Variants in ATP2B2 observed in about 807,000 individuals in gnomAD.
ATP2B2 encodes ATPase plasma membrane Ca2+ transporting 2, also known as plasma membrane calcium-transporting ATPase 2.
ATP2B2 carries 15 observed loss-of-function variants against 120.0 expected under a neutral mutation model. That is an observed-to-expected ratio of 0.12 (90% CI 0.08 to 0.19). The LOEUF (loss-of-function observed/expected upper bound fraction) is 0.19. Ranked by LOEUF, ATP2B2 falls within the 10% of genes least tolerant of loss-of-function variation. ATP2B2 has a pLI of 1.00. For synonymous variants in ATP2B2, 694 were observed against 700.3 expected, an observed-to-expected ratio of 0.99 and a Z score of 0.14; for missense variants, 1,045 against 1,719.8, an observed-to-expected ratio of 0.61 and a Z score of 6.94.
chr3:10,566,171 C>T (rs962049917), intron 2 of ATP2B2: 4 of 152,268 alleles, frequency 2.6e-5, no homozygotes, highest in South Asian at 2.1e-4. Flanking sequence ...ATCTGTCCCT[C>T]GATTCCATTA....
In ATP2B2 at chr3:10,358,796, G is replaced by T. The variant is rs769370186; in HGVS notation, c.2031C>A (p.Arg677=). ...DGLRTICVAY[R]DFPSSPEPDW... ...CCGGCTCCGGGCTGCTGGGGAAGTC[G>T]CGGTAGGCCACGCAGATAGTGCGGA... The change falls in exon 14 of 23, where the codon CGC becomes CGA. Residue 677 remains arginine (R), a synonymous_variant. Coordinates refer to ENST00000360273, the MANE Select transcript of ATP2B2 (RefSeq NM_001001331.4). 2 of 1,614,216 alleles carry T rather than the reference G, an allele frequency of 1.2e-6. No homozygotes were observed. Among genetic ancestry groups the T allele is most frequent in the Admixed American group, 3.3e-5 (2 of 60,028 alleles).
At chr3:10,512,335 C>T (rs567307297) in intron 3 of ATP2B2, among the ~76,000 whole-genome samples, 34 of 152,160 alleles carry the variant, frequency 2.2e-4, no homozygotes, top group African/African-American at 8.2e-4. Context: ...GGAATATGAC[C>T]AGTAAGAAGT....
chr3:10,435,298 G>C (rs2063445858), intron 2 of ATP2B2, among the ~76,000 whole-genome samples: 1 of 152,114 alleles, frequency 6.6e-6, no homozygotes, highest in Non-Finnish European at 1.5e-5. Context: ...CTGGCCACCA[G>C]GTGGTCCCAA....
chr3:10,400,620 T>G (rs943311822), intron 5 of ATP2B2, among the ~76,000 whole-genome samples: 8 of 152,236 alleles, frequency 5.3e-5, no homozygotes, highest in African/African-American at 1.9e-4. Flanking sequence ...GCTTATCACC[T>G]GACTGATTCT....
intron 2 of ATP2B2, among the ~76,000 whole-genome samples, chr3:10,561,351 CAT>C: frequency 6.6e-6 from 1 of 152,324 alleles, no homozygotes; most frequent in South Asian, 2.1e-4. Context: ...TTTCATGAGA[CAT>C]GTGCTATGTT....
At chr3:10,332,781 A>G (rs913464051) in intron 22 of ATP2B2, among the ~76,000 whole-genome samples, 11 of 152,074 alleles carry the variant, frequency 7.2e-5, no homozygotes, top group Non-Finnish European at 2.9e-5. Flanking sequence ...TGGCCTCATC[A>G]GTGTCTTTCT....
intron 10 of ATP2B2, among the ~76,000 whole-genome samples, chr3:10,377,207 G>A (rs2061405472): frequency 6.6e-6 from 1 of 152,254 alleles, no homozygotes; most frequent in South Asian, 2.1e-4. Context: ...TCTTCTGCCT[G>A]TGGCGGTGGC....
intron 2 of ATP2B2, among the ~76,000 whole-genome samples, chr3:10,597,256 CAG>C (rs1411507955): frequency 1.3e-5 from 2 of 151,006 alleles, no homozygotes; most frequent in Admixed American, 1.3e-4. Context: ...GGCACACACA[CAG>C]ACACAGGCAC....
chr3:10,348,454 C>T (rs546603968), intron 16 of ATP2B2, among the ~76,000 whole-genome samples: 21 of 152,346 alleles, frequency 1.4e-4, no homozygotes, highest in African/African-American at 4.8e-4. Flanking sequence ...ACGGTGCAGG[C>T]CATGACGGGG....
intron 14 of ATP2B2, among the ~76,000 whole-genome samples, chr3:10,354,400 C>T (rs33268): frequency 0.13 from 19,872 of 152,238 alleles, 1,769 homozygotes; most frequent in East Asian, 0.4. Flanking sequence ...AATGACTTCT[C>T]TCGCTAAAAT....
chr3:10,335,003 G>C (rs1399236160), intron 22 of ATP2B2, among the ~76,000 whole-genome samples: 1 of 152,346 alleles, frequency 6.6e-6, no homozygotes, highest in Admixed American at 6.5e-5. Flanking sequence ...ACATAGCAGG[G>C]CGATGGGAGG....
At chr3:10,339,511 G>A (rs11924437) in intron 21 of ATP2B2, among the ~76,000 whole-genome samples, 11,313 of 152,156 alleles carry the variant, frequency 0.074, 1,105 homozygotes, top group African/African-American at 0.22. Flanking sequence ...GGAGCCTTTG[G>A]GCTGCATGCT....
rs201306222 is a variant in ATP2B2, at chr3:10,346,010, C to T, written c.2511+21G>A. ...TCTCCCCAGCCCCCACCACCCCAGGCCCTCTGTGGGCCGTTCCTACCATGG... is the reference window on the plus strand; with the variant it reads ...TCTCCCCAGCCCCCACCACCCCAGGTCCTCTGTGGGCCGTTCCTACCATGG... On this transcript the variant is annotated intron_variant, in intron 17 of 22. Transcript: ENST00000360273. This position sits in a 1 kb window ranked among gnomAD's most constrained non-coding sequence, Gnocchi z 4.1. 1.5e-4 allele frequency: 244 copies of T among 1,603,362 alleles called. No homozygotes were observed. In the African/African-American group the frequency reaches 2.9e-3, roughly 19 times the overall value.
At chr3:10,581,748 A>G (rs751594707) in intron 2 of ATP2B2, among the ~76,000 whole-genome samples, 4 of 152,230 alleles carry the variant, frequency 2.6e-5, no homozygotes, top group South Asian at 4.1e-4. Flanking sequence ...GGCACAATCC[A>G]TCTGACCCTG....
At chr3:10,487,400 G>T (rs1056780480) in intron 1 of ATP2B2, among the ~76,000 whole-genome samples, 1 of 152,232 alleles carries the variant, frequency 6.6e-6, no homozygotes, top group Admixed American at 6.5e-5. Flanking sequence ...CCAGGGTCAT[G>T]AGTCCAGTTG....
intron 2 of ATP2B2, among the ~76,000 whole-genome samples, chr3:10,433,267 C>T (rs943070966): frequency 2.0e-5 from 3 of 152,148 alleles, no homozygotes; most frequent in African/African-American, 7.2e-5. Flanking sequence ...CAGGGATTTT[C>T]CCACATGCCT....
rs563334191 is a variant in ATP2B2 at position 10,486,588 on chromosome 3, C to T, written c.-320+18877G>A. 1.5e-3 allele frequency among the ~76,000 whole-genome samples: 225 copies of T among 152,228 alleles called. 1 individual carries two copies. Among genetic ancestry groups the T allele is most frequent in the African/African-American group, 4.6e-3 (189 of 41,536 alleles). On this transcript the variant is annotated intron_variant, in intron 1 of 22. Coordinates refer to ENST00000360273, the MANE Select transcript of ATP2B2 (RefSeq NM_001001331.4). ...TGACTCCTTTGCTGGGACTGCTCTT[C>T]CCCAGATGGTGGCATCTTGAACATC...
upstream of ATP2B2, among the ~76,000 whole-genome samples, chr3:10,508,774 T>C (rs2066700346): frequency 6.6e-6 from 1 of 152,074 alleles, no homozygotes; most frequent in African/African-American, 2.4e-5. Flanking sequence ...ATGGCACTAG[T>C]GTTGCAACTC....
At chr3:10,629,250 C>G (rs970590990) in intron 1 of ATP2B2, among the ~76,000 whole-genome samples, 2 of 152,206 alleles carry the variant, frequency 1.3e-5, no homozygotes, top group African/African-American at 4.8e-5. Context: ...TCACCTGGCT[C>G]GACCTCCGCT....
Sources: gnomAD v4.1 joint callset for allele counts (sites outside exome capture counted in the v4.1 genomes callset) on GRCh38, gnomAD v4.1.1 for gene constraint, Gnocchi (gnomAD v3.1) non-coding constraint, MANE v1.5 for transcripts, NCBI Gene and HGNC (gene_info 2026-07-23, HGNC 2026-07-21) for gene names.